The following TAF4 variants were observed in gnomAD, a reference collection of about 807,000 sequenced individuals.
TAF4 encodes TATA-box binding protein associated factor 4.
TAF4 carries 9 observed loss-of-function variants against 90.3 expected under a neutral mutation model. The observed-to-expected ratio is 0.10, with a 90% CI of 0.06 to 0.17. The LOEUF (loss-of-function observed/expected upper bound fraction) is 0.17, where lower values mean the gene tolerates loss of function less well. Ranked by LOEUF, TAF4 falls within the 10% of genes least tolerant of loss-of-function variation. The pLI is 1.00. For synonymous variants in TAF4, 818 were observed against 638.9 expected, an observed-to-expected ratio of 1.28 and a Z score of -4.23; for missense variants, 1,351 against 1,370.7, an observed-to-expected ratio of 0.99 and a Z score of 0.23.
At chr20:61,978,718 C>G (rs1428674915) in intron 14 of TAF4, among the ~76,000 whole-genome samples, 1 of 151,998 alleles carries the variant, frequency 6.6e-6, no homozygotes, top group Non-Finnish European at 1.5e-5. Context: ...AGGGAGGGGG[C>G]GAGACCAACC....
intron 1 of TAF4, among the ~76,000 whole-genome samples, chr20:62,019,151 G>A (rs1357763306): frequency 1.3e-5 from 2 of 152,242 alleles, no homozygotes; most frequent in East Asian, 3.8e-4. Context: ...ACCACAGAAA[G>A]AAGTGTTCTT....
Position 62,064,908 on chromosome 20 carries a change from G to C in TAF4, c.903C>G (p.Ala301=). 4 of 683,794 alleles carry C rather than the reference G, an allele frequency of 5.8e-6. No individual in the cohort carries two copies. Among genetic ancestry groups the C allele is most frequent in the South Asian group, 6.3e-5 (1 of 15,762 alleles). The allele number at this position is 683,794 out of a possible 1,614,324, so 42.4% of individuals were successfully genotyped here. A position where few individuals can be genotyped will look rare whatever the true frequency, so the allele number is the denominator to read the frequency against. Residue 301 remains alanine (A), a synonymous_variant, in exon 1 of 15, where the codon GCC becomes GCG. Transcript: ENST00000252996. ...CGGCGCTGCCCCCGTTCTGGGCGGC[G>C]GCGGGGGGCGGCACGGCGGGCGCGG... ...PTAAPAVPPP[A]AAQNGGSAGA...
chr20:62,025,296 A>C (rs550175158), intron 1 of TAF4, among the ~76,000 whole-genome samples: 1 of 152,380 alleles, frequency 6.6e-6, no homozygotes, highest in South Asian at 2.1e-4. Context: ...AAAGGATGAA[A>C]GCATAAACAA....
In TAF4 at chr20:62,064,875, G is replaced by T; in HGVS notation, c.936C>A (p.Ala312=). 1 of 919,784 alleles carries T rather than the reference G, an allele frequency of 1.1e-6. No homozygotes were observed. The highest frequency in any genetic ancestry group is 1.3e-6 in the Non-Finnish European group (1 of 775,162). The allele number at this position is 919,784 out of a possible 1,614,324, so 57.0% of individuals were successfully genotyped here. The change falls in exon 1 of 15, where the codon GCC becomes GCA. Residue 312 remains alanine (A), a synonymous_variant. Transcript: ENST00000252996. The part of the protein sequence containing the change: ...AAQNGGSAGA[A]PAPAPAAGGP... ...CCCCGGCGGCCGGGGCGGGGGCGGGGGCTGCCCCGGCGCTGCCCCCGTTCT... is the reference window on the plus strand; with the variant it reads ...CCCCGGCGGCCGGGGCGGGGGCGGGTGCTGCCCCGGCGCTGCCCCCGTTCT...
chr20:61,985,025 G>C (rs186458298), intron 14 of TAF4, among the ~76,000 whole-genome samples: 3 of 73,088 alleles, frequency 4.1e-5, no homozygotes, highest in Non-Finnish European at 8.0e-5. Flanking sequence ...GACGGGGCAG[G>C]GGGTGGGAGG....
intron 1 of TAF4, among the ~76,000 whole-genome samples, chr20:62,050,417 T>C (rs1286215555): frequency 3.9e-5 from 6 of 151,952 alleles, no homozygotes; most frequent in Non-Finnish European, 8.8e-5. Context: ...TGACGACTCT[T>C]CCCAAAACGC....
At chr20:62,049,596 C>T (rs974570643) in intron 1 of TAF4, among the ~76,000 whole-genome samples, 4 of 152,158 alleles carry the variant, frequency 2.6e-5, no homozygotes, top group Non-Finnish European at 5.9e-5. Context: ...CCCATACTCA[C>T]ACCTGCAGAG....
intron 1 of TAF4, among the ~76,000 whole-genome samples, chr20:62,027,975 G>A (rs995754147): frequency 3.3e-5 from 5 of 152,234 alleles, no homozygotes; most frequent in African/African-American, 1.2e-4. Context: ...CAGGCCAGGA[G>A]TTGTATCATT....
At chr20:62,028,023 A>T (rs893842644) in intron 1 of TAF4, among the ~76,000 whole-genome samples, 4 of 152,244 alleles carry the variant, frequency 2.6e-5, no homozygotes, top group Admixed American at 6.5e-5. Context: ...GCAGCTTCTA[A>T]GCCATCTGAT....
chr20:62,010,236 C>G lies in TAF4; in HGVS notation c.1642-71G>C. On this transcript the variant is annotated intron_variant, in intron 3 of 14. Coordinates refer to ENST00000252996, the MANE Select transcript of TAF4 (RefSeq NM_003185.4). The surrounding 1 kb of genome is among the most constrained non-coding windows in gnomAD (Gnocchi z 4.5). Reference sequence around the variant, plus strand: ...GCTGACGAGGGGGAGACCAGCCTCACGCCCAGCAAAAGAAAACAAGCCTCC... The same window carrying G: ...GCTGACGAGGGGGAGACCAGCCTCAGGCCCAGCAAAAGAAAACAAGCCTCC... 1 of 1,604,492 alleles carries G rather than the reference C, an allele frequency of 6.2e-7. No homozygotes were observed. Among genetic ancestry groups the G allele is most frequent in the South Asian group, 1.1e-5 (1 of 90,874 alleles).
intron 14 of TAF4, among the ~76,000 whole-genome samples, chr20:61,995,582 A>AAGTATTAGCCAAAATGTTCCAAATTT (rs2055658271): frequency 1.3e-5 from 1 of 77,506 alleles, no homozygotes; most frequent in African/African-American, 6.2e-5. Flanking sequence ...AAAAAATTTG[A>AAGTATTAGCCAAAATGTTCCAAATTT]GCCGGGCGCG....
In TAF4 at chr20:62,065,098, A is replaced by G. The variant is rs1255649918; in HGVS notation, c.713T>C (p.Ile238Thr). 4 of 1,027,600 alleles carry G rather than the reference A, an allele frequency of 3.9e-6. No individual in the cohort carries two copies. The highest frequency in any genetic ancestry group is 4.7e-6 in the Non-Finnish European group (4 of 857,648). 63.7% of individuals were successfully genotyped at this position (1,027,600 alleles called of 1,614,324 possible). ...LPKPAAPGTV[I>T]QTPPFVGAAA... ...GGCGCCCACGAAGGGGGGCGTCTGG[A>G]TGACAGTGCCGGGGGCGGCGGGCTT... The change falls in exon 1 of 15, where the codon ATC becomes ACC. Residue 238 changes from isoleucine to threonine, a missense_variant. Ile to Thr is a moderately conservative substitution (Grantham distance 89). Transcript: ENST00000252996.
Position 62,064,689 on chromosome 20 carries a change from G to A in TAF4, c.1122C>T (p.Val374=), listed in dbSNP as rs778974207. The A allele has an allele frequency of 6.8e-5, 86 of 1,261,272 alleles. No individual in the cohort carries two copies. In the African/African-American group the frequency reaches 9.9e-4, roughly 14 times the overall value. 78.1% of individuals were successfully genotyped at this position (1,261,272 alleles called of 1,614,324 possible). ...GCGCCCCTTGCATAGTTGGCCCGAT[G>A]ACCATGCTGGCCGCCGTGCTGGCCG... The part of the protein sequence containing the change: ...SGPASTAASM[V]IGPTMQGALP... Residue 374 remains valine (V), a synonymous_variant, in exon 1 of 15, where the codon GTC becomes GTT. Transcript: ENST00000252996.
chr20:62,046,661 G>A (rs2055995055), intron 1 of TAF4, among the ~76,000 whole-genome samples: 1 of 152,212 alleles, frequency 6.6e-6, no homozygotes, highest in Admixed American at 6.5e-5. Flanking sequence ...CGGTCAATCA[G>A]TACTTAACTT....
chr20:62,024,649 A>T (rs1325840266), intron 1 of TAF4, among the ~76,000 whole-genome samples: 2 of 152,278 alleles, frequency 1.3e-5, no homozygotes, highest in East Asian at 3.9e-4. Flanking sequence ...AGGACAGATC[A>T]CTTGAGGTCA....
chr20:62,038,172 A>C lies in TAF4; in HGVS notation c.1361-23465T>G, dbSNP rs536223442. ...GCCTCCAGGTGGCTGGGACTACAGG[A>C]GCCCACCACTACGCCCGGCTAATTT... On this transcript the variant is annotated intron_variant, in intron 1 of 14. Transcript: ENST00000252996. Among the ~76,000 whole-genome samples, 148 of 152,044 alleles carry C rather than the reference A, an allele frequency of 9.7e-4. 1 individual carries two copies. The highest frequency in any genetic ancestry group is 1.5e-3 in the Non-Finnish European group (100 of 67,974).
At chr20:61,979,413 G>A (rs983778791) in intron 14 of TAF4, 3 of 150,798 alleles carry the variant, frequency 2.0e-5, no homozygotes, top group Non-Finnish European at 2.9e-5. Context: ...GAGGGACTGC[G>A]GCCCGTGCAG....
At chr20:61,986,113 CCAAAGGAAACACCATCCCCAAT>C (rs1183769684) in intron 14 of TAF4, among the ~76,000 whole-genome samples, 302 of 104,010 alleles carry the variant, frequency 2.9e-3, no homozygotes, top group Middle Eastern at 6.3e-3. Flanking sequence ...CCATCCCCAA[CCAAAGGAAACACCATCCCCAAT>C]CAAAGGAAAC....
chr20:61,995,869 CA>C (rs969175865), intron 14 of TAF4, among the ~76,000 whole-genome samples: 201 of 4,536 alleles, frequency 0.044, 2 homozygotes, highest in Non-Finnish European at 0.061. Flanking sequence ...GACTCCGTCT[CA>C]AAAAAAAAAA....
Sources: allele counts gnomAD v4.1 joint callset (sites outside exome capture counted in the v4.1 genomes callset), GRCh38; gene constraint gnomAD v4.1.1; non-coding constraint Gnocchi (gnomAD v3.1); transcripts MANE v1.5; gene names NCBI Gene and HGNC (gene_info 2026-07-23, HGNC 2026-07-21).